LRIT1: variants seen among roughly 807,000 people sequenced by gnomAD.
The protein encoded by LRIT1 is leucine-rich repeat, immunoglobulin-like domain and transmembrane domain-containing protein 1.
In LRIT1, 23 loss-of-function variants were observed where a neutral mutation model predicts 24.0. The observed-to-expected ratio is 0.96, with a 90% CI of 0.69 to 1.36. The LOEUF is 1.36. Ranked by LOEUF, LRIT1 falls within the 40% of genes most tolerant of loss-of-function variation. The probability of loss-of-function intolerance (pLI) is 0.00; values close to 1 mark genes in which losing one functional copy is unlikely to be tolerated. For missense variants in LRIT1, 846 were observed against 806.3 expected (o/e 1.05, Z -0.60); for synonymous variants, 361 against 340.5 (o/e 1.06, Z -0.66).
chr10:84,241,276 A>G (rs774200808), intron 1 of LRIT1, 42 bp downstream of exon 1: 1 of 1,613,184 alleles, frequency 6.2e-7, no homozygotes, highest in Non-Finnish European at 8.5e-7. Context: ...CTGGCAAAGC[A>G]ATGGAGGCTG....
chr10:84,237,103 C>T lies in LRIT1; in HGVS notation c.589+117G>A, dbSNP rs140815211. On this transcript the variant is annotated intron_variant, in intron 2 of 3. Transcript: ENST00000372105. ...TCCTAAACCCGCCGCTCTTGTGGAT[C>T]TCACTGTCTTTGCTCAAACCTGGAA... 974 of 832,646 alleles carry T rather than the reference C, an allele frequency of 1.2e-3. 7 individuals carry two copies. In the African/African-American group the frequency reaches 0.015, roughly 13 times the overall value. The allele number at this position is 832,646 out of a possible 1,614,324, so 51.6% of individuals were successfully genotyped here. A position where few individuals can be genotyped will look rare whatever the true frequency, so the allele number is the denominator to read the frequency against.
rs747010464 is a variant in LRIT1, at chr10:84,232,711, G to T, written c.1088C>A (p.Ala363Glu). 6.2e-7 allele frequency: 1 copy of T among 1,613,846 alleles called. No homozygotes were observed. Among genetic ancestry groups the T allele is most frequent in the Non-Finnish European group, 8.5e-7 (1 of 1,179,944 alleles). The change falls in exon 4 of 4, where the codon GCA becomes GAA. Residue 363 changes from alanine to glutamate, a missense_variant. By Grantham distance (107) the Ala-to-Glu change is moderately radical (BLOSUM62 -1). Coordinates refer to ENST00000372105, the MANE Select transcript of LRIT1 (RefSeq NM_015613.3). ...AGCTTCCCCTCCGCCACCTGTCCTTGCCCATAGTGCTCCTGGGCTCCCACT... is the reference window on the plus strand; with the variant it reads ...AGCTTCCCCTCCGCCACCTGTCCTTTCCCATAGTGCTCCTGGGCTCCCACT... ...EHSGSPGALWARTGGGGEAAA... is the reference protein window; with the variant it reads ...EHSGSPGALWERTGGGGEAAA...
rs1018292471 is a variant in LRIT1 at position 84,231,878 on chromosome 10, A to G, written c.*49T>C. ...GATCGTGTACTCAGGTGTCAGAGCT[A>G]AAGAAGGAGCGTGGGCAGGCAGGTG... On this transcript the variant is annotated 3_prime_UTR_variant, in exon 4 of 4. Coordinates refer to ENST00000372105, the MANE Select transcript of LRIT1 (RefSeq NM_015613.3). The G allele has an allele frequency of 1.3e-6, 2 of 1,553,352 alleles. No homozygotes were observed. The highest frequency in any genetic ancestry group is 1.7e-6 in the Non-Finnish European group (2 of 1,151,220).
chr10:84,240,297 A>C (rs1458448690), intron 1 of LRIT1, among the ~76,000 whole-genome samples: 1 of 152,124 alleles, frequency 6.6e-6, no homozygotes, highest in African/African-American at 2.4e-5. Flanking sequence ...TACACTTCAT[A>C]TGAGTTGATG....
At chr10:84,237,829 G>A (rs1842665004) in intron 1 of LRIT1, 143 bp from the exon 2 acceptor site, 4 of 653,546 alleles carry the variant, frequency 6.1e-6, no homozygotes, top group Non-Finnish European at 7.7e-6. Flanking sequence ...CGGGGACCTG[G>A]AGAGGGGCCC....
At chr10:84,241,203 G>T in intron 1 of LRIT1, 115 bp downstream of exon 1, 1 of 1,474,800 alleles carries the variant, frequency 6.8e-7, no homozygotes, top group South Asian at 1.3e-5. Context: ...TGGTCCTCAA[G>T]GGCCAAGGGA....
In LRIT1 at chr10:84,237,754, C is replaced by G. The variant is rs188338552; in HGVS notation, c.123-68G>C. The G allele has an allele frequency of 3.9e-5, 50 of 1,268,538 alleles. No homozygotes were observed. The East Asian group carries it at 1.0e-3, about 26-fold the overall frequency. The allele number at this position is 1,268,538 out of a possible 1,614,324, so 78.6% of individuals were successfully genotyped here. A position where few individuals can be genotyped will look rare whatever the true frequency, so the allele number is the denominator to read the frequency against. The stretch of plus-strand genomic sequence containing the variant: ...GGTCTGGGATCTCCCACCGCTACCT[C>G]CCTTCGCGAGGCCTCCAGTTCTGCC... On this transcript the variant is annotated intron_variant, in intron 1 of 3. Coordinates refer to ENST00000372105, the MANE Select transcript of LRIT1 (RefSeq NM_015613.3).
Position 84,237,265 on chromosome 10 carries a change from C to A in LRIT1, c.544G>T (p.Glu182Ter), listed in dbSNP as rs1263914784. Residue 182 changes from glutamate (E) to a stop codon, truncating the protein, a stop_gained, in exon 2 of 4, where the codon GAG (glutamate) becomes TAG (stop). Coordinates refer to ENST00000372105, the MANE Select transcript of LRIT1 (RefSeq NM_015613.3). LOFTEE classifies it high-confidence loss of function. ...QELIVSWAHL[E>*]TGIFPPGHHP... Reference sequence around the variant, plus strand: ...TGGCCGGGAGGAAAGATACCGGTCTCCAGGTGAGCCCAGGAGACGATGAGC... The same window carrying A: ...TGGCCGGGAGGAAAGATACCGGTCTACAGGTGAGCCCAGGAGACGATGAGC... The A allele has an allele frequency of 1.3e-6, 2 of 1,550,822 alleles. No homozygotes were observed. Among genetic ancestry groups the A allele is most frequent in the South Asian group, 2.4e-5 (2 of 84,036 alleles).
chr10:84,232,558 G>A lies in LRIT1; in HGVS notation c.1241C>T (p.Ala414Val). 9.3e-6 allele frequency: 15 copies of A among 1,614,184 alleles called. No individual in the cohort carries two copies. The highest frequency in any genetic ancestry group is 1.3e-5 in the Non-Finnish European group (15 of 1,180,020). The change falls in exon 4 of 4, where the codon GCC becomes GTC. Residue 414 changes from alanine (A) to valine (V), a missense_variant. Ala to Val is a moderately conservative substitution (Grantham distance 64). Transcript: ENST00000372105. ...CCGCCCATCAGAGAGCTCTCCCAGG[G>A]CATCCATCTGGAAGTGCTCAAGGGT... ...ELTLEHFQMD[A>V]LGELSDGRAG...
chr10:84,237,212 A>C lies in LRIT1; in HGVS notation c.589+8T>G, dbSNP rs4933988. The C allele has an allele frequency of 0.36, 552,519 of 1,547,050 alleles. 107,870 individuals are homozygous for C. The highest frequency in any genetic ancestry group is 0.79 in the African/African-American group (57,936 of 72,930). On this transcript the variant is annotated splice_region_variant and intron_variant, in intron 2 of 3. Transcript: ENST00000372105. ...CTAAGACCCCAGGTGAAGGTTGCCG[A>C]CCCTTACCTAGGACCCGCCTGGGGT...
chr10:84,231,593 T>A lies in LRIT1; in HGVS notation c.*334A>T. 1 of 323,140 alleles carries A rather than the reference T, an allele frequency of 3.1e-6. No homozygotes were observed. The highest frequency in any genetic ancestry group is 3.6e-5 in the South Asian group (1 of 27,856). The allele number at this position is 323,140 out of a possible 1,614,324, so 20.0% of individuals were successfully genotyped here. Reference sequence around the variant, plus strand: ...GAAAATAAGTGTTCACTGCTATACATCACCAAGATTTTGCTTTCATTTGTT... The same window carrying A: ...GAAAATAAGTGTTCACTGCTATACAACACCAAGATTTTGCTTTCATTTGTT... On this transcript the variant is annotated 3_prime_UTR_variant, in exon 4 of 4. Coordinates refer to ENST00000372105, the MANE Select transcript of LRIT1 (RefSeq NM_015613.3).
At chr10:84,233,050 A>G (rs570814401) in intron 3 of LRIT1, 147 bp from the exon 4 acceptor site, 55 of 882,426 alleles carry the variant, frequency 6.2e-5, no homozygotes, top group Non-Finnish European at 8.9e-5. Context: ...TTCTTAGACC[A>G]GCCAAGGGTA....
Position 84,233,348 on chromosome 10 carries a change from T to A in LRIT1, c.896-445A>T, listed in dbSNP as rs546694685. Among the ~76,000 whole-genome samples, 825 of 132,266 alleles carry A rather than the reference T, an allele frequency of 6.2e-3. 5 individuals carry two copies. Among genetic ancestry groups the A allele is most frequent in the South Asian group, 0.035 (137 of 3,884 alleles). The allele number at this position is 132,266 out of a possible 152,430, so 86.8% of individuals were successfully genotyped here. ...CAAGCCTAGGAATATATATATATAT[T>A]TTTTTTTGCGACAAGGTCTCACTAT... On this transcript the variant is annotated intron_variant, in intron 3 of 3. Coordinates refer to ENST00000372105, the MANE Select transcript of LRIT1 (RefSeq NM_015613.3).
In LRIT1 at chr10:84,232,066, C is replaced by A; in HGVS notation, c.1733G>T (p.Gly578Val). The A allele has an allele frequency of 1.2e-6, 2 of 1,614,208 alleles. No homozygotes were observed. Among genetic ancestry groups the A allele is most frequent in the Non-Finnish European group, 1.7e-6 (2 of 1,180,048 alleles). Residue 578 changes from glycine (G) to valine (V), a missense_variant, in exon 4 of 4, where the codon GGC (glycine) becomes GTC (valine). Physicochemically the swap from Gly to Val is moderately radical, Grantham distance 109. Coordinates refer to ENST00000372105, the MANE Select transcript of LRIT1 (RefSeq NM_015613.3). Reference sequence around the variant, plus strand: ...CTCCTCCAAGCCGTCCTCGCTGTAGCCCAGTCTCTCTAGGTTGACGTAGGT... The same window carrying A: ...CTCCTCCAAGCCGTCCTCGCTGTAGACCAGTCTCTCTAGGTTGACGTAGGT... ...TVTYVNLERLGYSEDGLEELS... is the reference protein window; with the variant it reads ...TVTYVNLERLVYSEDGLEELS...
At chr10:84,241,256 C>G in intron 1 of LRIT1, 62 bp downstream of exon 1, 4 of 1,610,328 alleles carry the variant, frequency 2.5e-6, no homozygotes, top group Non-Finnish European at 3.4e-6. Flanking sequence ...CTCCTCCCAA[C>G]CCAGCCTAGC....
intron 2 of LRIT1, among the ~76,000 whole-genome samples, chr10:84,236,733 A>G (rs975973950): frequency 3.9e-5 from 6 of 152,196 alleles, no homozygotes; most frequent in Non-Finnish European, 7.3e-5. Context: ...GAGAGGACAG[A>G]AGGGTCTTTA....
intron 1 of LRIT1, among the ~76,000 whole-genome samples, chr10:84,240,098 T>A (rs755163080): frequency 2.0e-4 from 31 of 152,372 alleles, no homozygotes; most frequent in Non-Finnish European, 3.5e-4. Flanking sequence ...CATCACCAGA[T>A]AAGTGTTCTG....
In LRIT1 at chr10:84,237,298, G is replaced by T; in HGVS notation, c.511C>A (p.Pro171Thr). The change falls in exon 2 of 4, where the codon CCG becomes ACG. Residue 171 changes from proline to threonine, a missense_variant. Transcript: ENST00000372105. ...GCCCAGGAGACGATGAGCTCCTGCG[G>T]GAGCCTCATCAGCTGGTTGCTGGAG... The part of the protein sequence containing the change: ...DLSSNQLMRL[P>T]QELIVSWAHL... 1 of 1,551,084 alleles carries T rather than the reference G, an allele frequency of 6.4e-7. No individual in the cohort carries two copies. The highest frequency in any genetic ancestry group is 2.4e-5 in the East Asian group (1 of 40,900).
intron 1 of LRIT1, among the ~76,000 whole-genome samples, chr10:84,239,477 G>A (rs1364873926): frequency 6.6e-6 from 1 of 152,230 alleles, no homozygotes; most frequent in Non-Finnish European, 1.5e-5. Flanking sequence ...GTATTGCAAG[G>A]AGGAAGGTCT....
Sources: allele counts gnomAD v4.1 joint callset (sites outside exome capture counted in the v4.1 genomes callset), GRCh38; gene constraint gnomAD v4.1.1; transcripts MANE v1.5; gene names NCBI Gene and HGNC (gene_info 2026-07-23, HGNC 2026-07-21).